The following LIMD1 variants were observed in gnomAD, a reference collection of about 807,000 sequenced individuals.
The protein encoded by LIMD1 is LIM domain-containing protein 1.
Under a neutral mutation model 58.4 loss-of-function variants are expected in LIMD1, and 23 were observed. The observed-to-expected ratio is 0.39, with a 90% CI of 0.28 to 0.56. The LOEUF is 0.56. LIMD1 is among the 20% of genes least tolerant of loss of function. The pLI is 0.57. For synonymous variants in LIMD1, 334 were observed against 345.5 expected (o/e 0.97, Z 0.37); for missense variants, 838 against 855.5 (o/e 0.98, Z 0.25).
chr3:45,597,960 T>A (rs4683130), intron 1 of LIMD1, among the ~76,000 whole-genome samples: 44,135 of 152,140 alleles, frequency 0.29, 7,183 homozygotes, highest in South Asian at 0.52. Flanking sequence ...TTACTTTTTT[T>A]AAATTTATTT....
chr3:45,612,050 G>T (rs1701529148), intron 1 of LIMD1, among the ~76,000 whole-genome samples: 1 of 150,580 alleles, frequency 6.6e-6, no homozygotes. Context: ...GCCCAGCTCT[G>T]TCATGGTTTG....
In LIMD1 at chr3:45,681,025, A is replaced by G. The variant is rs1317801799; in HGVS notation, c.*3966A>G. 2 of 151,410 alleles carry G rather than the reference A, an allele frequency of 1.3e-5. No homozygotes were observed. Among genetic ancestry groups the G allele is most frequent in the East Asian group, 1.9e-4 (1 of 5,190 alleles). The allele number at this position is 151,410 out of a possible 1,614,324, so 9.4% of individuals were successfully genotyped here. The stretch of plus-strand genomic sequence containing the variant: ...ACACTGTCTCAAAAAAAAAAAAAAA[A>G]GTAACAGAAAAAAGAGTGAAATATA... On this transcript the variant is annotated 3_prime_UTR_variant, in exon 8 of 8. Transcript: ENST00000273317.
chr3:45,666,815 TTGG>T (rs1330809169), intron 3 of LIMD1, among the ~76,000 whole-genome samples: 1 of 152,142 alleles, frequency 6.6e-6, no homozygotes, highest in East Asian at 1.9e-4. Context: ...TGCTTGGTAG[TTGG>T]TGGTTGAAAT....
At chr3:45,619,256 G>A (rs1207349676) in intron 1 of LIMD1, among the ~76,000 whole-genome samples, 3 of 151,926 alleles carry the variant, frequency 2.0e-5, no homozygotes, top group East Asian at 3.9e-4. Flanking sequence ...CAGTCCTCCC[G>A]CTTCAGCCTC....
Position 45,595,699 on chromosome 3 carries a change from G to C in LIMD1, c.820G>C (p.Gly274Arg). The C allele has an allele frequency of 5.0e-6, 8 of 1,614,170 alleles. No individual in the cohort carries two copies. The highest frequency in any genetic ancestry group is 6.8e-6 in the Non-Finnish European group (8 of 1,180,044). ...STASSQRVSP[G>R]LPSPNLENGA... Reference sequence around the variant, plus strand: ...TGCCTCCTCCCAGCGGGTGAGCCCTGGCCTGCCTTCCCCAAACTTGGAGAA... The same window carrying C: ...TGCCTCCTCCCAGCGGGTGAGCCCTCGCCTGCCTTCCCCAAACTTGGAGAA... Residue 274 changes from glycine (G) to arginine (R), a missense_variant, in exon 1 of 8, where the codon GGC (glycine) becomes CGC (arginine). Gly to Arg is a moderately radical substitution (Grantham distance 125, BLOSUM62 -2). Around this residue, in one of 3 missense-constraint regions of LIMD1, gnomAD observed 659 missense variants for 639.8 expected, o/e 1.03. Coordinates refer to ENST00000273317, the MANE Select transcript of LIMD1 (RefSeq NM_014240.3).
intron 2 of LIMD1, among the ~76,000 whole-genome samples, chr3:45,665,016 A>G (rs998697955): frequency 2.0e-5 from 3 of 151,964 alleles, no homozygotes; most frequent in Admixed American, 6.6e-5. Flanking sequence ...GGGACTGATA[A>G]AGGATGTTTA....
rs567552789 is a variant in LIMD1 at position 45,679,463 on chromosome 3, A to G, written c.*2404A>G. 6.6e-6 allele frequency: 1 copy of G among 152,328 alleles called. No individual in the cohort carries two copies. Among genetic ancestry groups the G allele is most frequent in the South Asian group, 2.1e-4 (1 of 4,832 alleles). 9.4% of individuals were successfully genotyped at this position (152,328 alleles called of 1,614,324 possible). ...GTTCTGTAAATTATTAGCCAAATAGAACTGTAATGGGGTTGTATTTATGGG... is the reference window on the plus strand; with the variant it reads ...GTTCTGTAAATTATTAGCCAAATAGGACTGTAATGGGGTTGTATTTATGGG... On this transcript the variant is annotated 3_prime_UTR_variant, in exon 8 of 8. Transcript: ENST00000273317.
chr3:45,644,532 A>G (rs1380869373), intron 2 of LIMD1, among the ~76,000 whole-genome samples: 1 of 152,160 alleles, frequency 6.6e-6, no homozygotes, highest in Non-Finnish European at 1.5e-5. Flanking sequence ...ATGGCGGCGC[A>G]CTAAATCCTG....
intron 2 of LIMD1, among the ~76,000 whole-genome samples, chr3:45,659,451 G>T (rs959105800): frequency 6.6e-6 from 1 of 152,058 alleles, no homozygotes; most frequent in Non-Finnish European, 1.5e-5. Flanking sequence ...AGGCAGTTGT[G>T]GTGGTGCACA....
intron 1 of LIMD1, among the ~76,000 whole-genome samples, chr3:45,631,761 A>G (rs1701736398): frequency 1.3e-5 from 2 of 152,192 alleles, no homozygotes; most frequent in South Asian, 4.1e-4. Flanking sequence ...CTGTTGTCAG[A>G]GCATCCACGT....
intron 6 of LIMD1, 93 bp downstream of exon 6, chr3:45,673,598 C>T (rs1355824729): frequency 2.8e-6 from 3 of 1,054,902 alleles, no homozygotes; most frequent in African/African-American, 3.1e-5. Flanking sequence ...GTCCTTACAG[C>T]TTTTAAGGTA....
chr3:45,642,211 T>C (rs1701849749), intron 2 of LIMD1, among the ~76,000 whole-genome samples: 1 of 152,010 alleles, frequency 6.6e-6, no homozygotes, highest in Non-Finnish European at 1.5e-5. Context: ...GGTCTTGCTC[T>C]GTCGTACAAG....
chr3:45,620,954 A>G (rs566307462), intron 1 of LIMD1, among the ~76,000 whole-genome samples: 10 of 152,334 alleles, frequency 6.6e-5, no homozygotes, highest in Admixed American at 3.9e-4. Context: ...CCCATGTATG[A>G]TGTACTGAGG....
chr3:45,658,379 G>A (rs1697373183), intron 2 of LIMD1, among the ~76,000 whole-genome samples: 2 of 152,108 alleles, frequency 1.3e-5, no homozygotes, highest in East Asian at 1.9e-4. Context: ...ATTCTCAGCT[G>A]TGGGAACTGG....
intron 1 of LIMD1, among the ~76,000 whole-genome samples, chr3:45,598,111 T>A (rs933515674): frequency 3.3e-5 from 5 of 151,894 alleles, no homozygotes; most frequent in Non-Finnish European, 7.4e-5. Flanking sequence ...TAGGACTACT[T>A]AAGAGGAAGC....
At chr3:45,647,706 C>A (rs1157493889) in intron 2 of LIMD1, among the ~76,000 whole-genome samples, 1 of 152,204 alleles carries the variant, frequency 6.6e-6, no homozygotes, top group Non-Finnish European at 1.5e-5. Context: ...AGCTCAGAGA[C>A]CTTCAGCTAC....
chr3:45,644,870 A>G (rs1180019102), intron 2 of LIMD1, among the ~76,000 whole-genome samples: 1 of 152,132 alleles, frequency 6.6e-6, no homozygotes, highest in African/African-American at 2.4e-5. Flanking sequence ...AGTGCAGGAG[A>G]GTGGCCTGGG....
intron 1 of LIMD1, among the ~76,000 whole-genome samples, chr3:45,624,833 G>C (rs1701654848): frequency 6.6e-6 from 1 of 151,720 alleles, no homozygotes; most frequent in Non-Finnish European, 1.5e-5. Context: ...AAGGAGGCAG[G>C]AATTGTCTTC....
chr3:45,653,572 G>A (rs1174551649), intron 2 of LIMD1, among the ~76,000 whole-genome samples: 1 of 152,182 alleles, frequency 6.6e-6, no homozygotes, highest in African/African-American at 2.4e-5. Context: ...CTTCACTTGA[G>A]CCAAACCAAA....
Sources: gnomAD v4.1 joint callset for allele counts (sites outside exome capture counted in the v4.1 genomes callset) on GRCh38, gnomAD v4.1.1 for gene constraint, gnomAD v4.1.1 regional missense constraint, MANE v1.5 for transcripts, NCBI Gene and HGNC (gene_info 2026-07-23, HGNC 2026-07-21) for gene names.